Variants in ARL15 observed in about 807,000 individuals in gnomAD.
ARL15 encodes ARF like GTPase 15, also known as ADP-ribosylation factor-like protein 15.
A neutral mutation model predicts 25.2 loss-of-function variants in ARL15; 19 were observed. The ratio of observed to expected loss-of-function variants is 0.75; its 90% CI spans 0.53 to 1.10. ARL15 has a LOEUF of 1.10. Among genes scored for constraint, ARL15 ranks in the 50% least tolerant of loss-of-function variants. The pLI, the probability that ARL15 is intolerant of heterozygous loss-of-function variation, is 0.00. For missense variants in ARL15, 220 were observed against 246.0 expected, an observed-to-expected ratio of 0.89 and a Z score of 0.71; for synonymous variants, 94 against 86.8, an observed-to-expected ratio of 1.08 and a Z score of -0.46.
intron 1 of ARL15, among the ~76,000 whole-genome samples, chr5:54,267,651 AG>A (rs1757665716): frequency 6.6e-6 from 1 of 152,142 alleles, no homozygotes; most frequent in Non-Finnish European, 1.5e-5. Context: ...TAAAAAAAAA[AG>A]AACAAGCCTG....
intron 1 of ARL15, among the ~76,000 whole-genome samples, chr5:54,309,069 G>A (rs1057247969): frequency 6.6e-6 from 1 of 152,076 alleles, no homozygotes; most frequent in Non-Finnish European, 1.5e-5. Flanking sequence ...TAACTTACAG[G>A]GCACCTTGTA....
intron 1 of ARL15, among the ~76,000 whole-genome samples, chr5:54,249,381 C>A (rs1757179477): frequency 6.6e-6 from 1 of 151,834 alleles, no homozygotes; most frequent in Non-Finnish European, 1.5e-5. Context: ...GGAAATAGAG[C>A]AGAGAAGGTA....
intron 4 of ARL15, among the ~76,000 whole-genome samples, chr5:54,020,532 G>A (rs570723879): frequency 8.5e-5 from 13 of 152,272 alleles, no homozygotes; most frequent in South Asian, 2.1e-4. Flanking sequence ...AGTATCAGAC[G>A]ACATCTACTA....
chr5:53,982,150 T>C (rs1475222235), intron 4 of ARL15, among the ~76,000 whole-genome samples: 2 of 151,442 alleles, frequency 1.3e-5, no homozygotes, highest in East Asian at 1.9e-4. Flanking sequence ...CACTGCTTGA[T>C]AACCCCGGGC....
chr5:53,888,504 G>A (rs1162999389), intron 4 of ARL15, among the ~76,000 whole-genome samples: 1 of 152,106 alleles, frequency 6.6e-6, no homozygotes, highest in Non-Finnish European at 1.5e-5. Flanking sequence ...GGGTGGTCTT[G>A]AACTCCTAAG....
chr5:53,973,164 CA>C (rs1313816985), intron 4 of ARL15, among the ~76,000 whole-genome samples: 2 of 151,930 alleles, frequency 1.3e-5, no homozygotes, highest in African/African-American at 4.8e-5. Flanking sequence ...CATAAAGGTC[CA>C]AGAAATAAAC....
At chr5:54,298,079 G>A (rs982586449) in intron 1 of ARL15, among the ~76,000 whole-genome samples, 8 of 152,132 alleles carry the variant, frequency 5.3e-5, no homozygotes, top group African/African-American at 1.7e-4. Flanking sequence ...GTAGAAGAAA[G>A]TAGAAATCTT....
At chr5:54,092,556 T>C (rs1158899857) in intron 4 of ARL15, among the ~76,000 whole-genome samples, 1 of 152,206 alleles carries the variant, frequency 6.6e-6, no homozygotes, top group Non-Finnish European at 1.5e-5. Context: ...AGGAGACCAC[T>C]GAAATAACCA....
chr5:54,031,057 T>C (rs1390337668), intron 4 of ARL15, among the ~76,000 whole-genome samples: 3 of 152,138 alleles, frequency 2.0e-5, no homozygotes, highest in Admixed American at 6.5e-5. Flanking sequence ...AGATGGTACA[T>C]GTGTACAGGT....
chr5:53,920,186 G>A (rs943217284), intron 4 of ARL15, among the ~76,000 whole-genome samples: 7 of 151,988 alleles, frequency 4.6e-5, no homozygotes, highest in Non-Finnish European at 8.8e-5. Context: ...AACTTTTGGG[G>A]GTCTATTTTA....
At position 54,118,060 on chromosome 5, in the gene ARL15, T is replaced by TA. The variant is rs1237217302; in HGVS notation, c.254-4651dup. ...ATGATGTTACAAAACCATGCATAGA[T>TA]AAAAAAATACATTCAAAGTACAAGA... On this transcript the variant is annotated intron_variant, in intron 3 of 4. Transcript: ENST00000504924. Among the ~76,000 whole-genome samples the TA allele has an allele frequency of 6.6e-5, 10 of 152,234 alleles. No individual in the cohort carries two copies. The East Asian group carries it at 7.7e-4, about 12-fold the overall frequency.
At chr5:54,107,630 T>A (rs1267702923) in intron 4 of ARL15, among the ~76,000 whole-genome samples, 2 of 151,990 alleles carry the variant, frequency 1.3e-5, no homozygotes, top group Admixed American at 1.3e-4. Flanking sequence ...AAAGTCTAGA[T>A]GTGGAGAATA....
chr5:54,206,223 T>G lies in ARL15; in HGVS notation c.49-34295A>C, dbSNP rs367837266. Among the ~76,000 whole-genome samples the G allele has an allele frequency of 4.6e-5, 7 of 152,318 alleles. No homozygotes were observed. In the East Asian group the frequency reaches 1.2e-3, roughly 25 times the overall value. On this transcript the variant is annotated intron_variant, in intron 1 of 4. Transcript: ENST00000504924. ...GCACCTCAAATACCATAATTAGGAC[T>G]TCTCGAAGCTTGAAAAGGGTGCCAG...
intron 4 of ARL15, among the ~76,000 whole-genome samples, chr5:54,104,299 T>C (rs1431811612): frequency 1.3e-5 from 2 of 152,208 alleles, no homozygotes. Context: ...TATTACTTAA[T>C]TTGCAATAAT....
intron 4 of ARL15, among the ~76,000 whole-genome samples, chr5:53,890,309 G>A (rs191304474): frequency 3.3e-4 from 50 of 151,804 alleles, no homozygotes; most frequent in African/African-American, 1.1e-3. Context: ...AACATCTGAC[G>A]TTATTTTTAA....
chr5:53,973,509 G>A (rs1390094084), intron 4 of ARL15, among the ~76,000 whole-genome samples: 1 of 151,458 alleles, frequency 6.6e-6, no homozygotes, highest in Non-Finnish European at 1.5e-5. Flanking sequence ...GGGAGGCAGA[G>A]GTTGCAGTGA....
At chr5:54,211,620 G>A (rs373566488) in intron 1 of ARL15, among the ~76,000 whole-genome samples, 1 of 151,692 alleles carries the variant, frequency 6.6e-6, no homozygotes, top group African/African-American at 2.4e-5. Context: ...ACAGGTGCCC[G>A]CCACCATACC....
chr5:53,929,332 G>A (rs1033236571), intron 4 of ARL15, among the ~76,000 whole-genome samples: 7 of 152,092 alleles, frequency 4.6e-5, no homozygotes, highest in African/African-American at 1.7e-4. Context: ...AAGTATTGGT[G>A]GTTGTAGTCA....
At chr5:54,280,898 C>G (rs1758041345) in intron 1 of ARL15, among the ~76,000 whole-genome samples, 1 of 151,344 alleles carries the variant, frequency 6.6e-6, no homozygotes. Context: ...TCATGCTCAT[C>G]TACATAGATA....
Sources: allele counts gnomAD v4.1 joint callset (sites outside exome capture counted in the v4.1 genomes callset), GRCh38; gene constraint gnomAD v4.1.1; transcripts MANE v1.5; gene names NCBI Gene and HGNC (gene_info 2026-07-23, HGNC 2026-07-21).